NOVA1: variants seen among roughly 807,000 people sequenced by gnomAD.
The protein encoded by NOVA1 is RNA-binding protein Nova-1.
In NOVA1, 7 loss-of-function variants were observed where a neutral mutation model predicts 38.0. The ratio of observed to expected loss-of-function variants is 0.18; its 90% confidence interval spans 0.10 to 0.35. The LOEUF is 0.35. Ranked by LOEUF, NOVA1 falls within the 10% of genes least tolerant of loss-of-function variation. NOVA1 has a pLI of 1.00. For missense variants in NOVA1, 460 were observed against 616.0 expected (o/e 0.75, Z 2.68); for synonymous variants, 270 against 232.5 (o/e 1.16, Z -1.47).
chr14:26,495,101 T>C (rs1433705793), intron 2 of NOVA1, among the ~76,000 whole-genome samples: 1 of 145,056 alleles, frequency 6.9e-6, no homozygotes, highest in Non-Finnish European at 1.5e-5. Context: ...TTATTCTCTC[T>C]TAGGCCTTTT....
chr14:26,509,679 G>A (rs944757952), intron 2 of NOVA1, among the ~76,000 whole-genome samples: 6 of 152,086 alleles, frequency 3.9e-5, no homozygotes, highest in African/African-American at 1.4e-4. Flanking sequence ...TTTTATTCAT[G>A]CATATGGGGT....
intron 2 of NOVA1, among the ~76,000 whole-genome samples, chr14:26,536,966 A>G (rs1890142525): frequency 6.6e-6 from 1 of 152,140 alleles, no homozygotes. Context: ...TAATTTGGCA[A>G]TGAATACTCA....
chr14:26,508,490 C>A (rs1887810673), intron 2 of NOVA1, among the ~76,000 whole-genome samples: 1 of 151,602 alleles, frequency 6.6e-6, no homozygotes, highest in African/African-American at 2.4e-5. Context: ...AGGAATAGAA[C>A]AACCCTATAT....
At chr14:26,453,415 T>C (rs2138575726) in intron 4 of NOVA1, among the ~76,000 whole-genome samples, 1 of 152,114 alleles carries the variant, frequency 6.6e-6, no homozygotes, top group East Asian at 1.9e-4. Flanking sequence ...TACTTAAACC[T>C]TCCTTATTCT....
intron 1 of NOVA1, among the ~76,000 whole-genome samples, chr14:26,596,329 C>G (rs1894188583): frequency 6.6e-6 from 1 of 152,108 alleles, no homozygotes; most frequent in Non-Finnish European, 1.5e-5. Context: ...ATGTTCCTTT[C>G]CCAAAATAAT....
intron 2 of NOVA1, among the ~76,000 whole-genome samples, chr14:26,503,130 C>T (rs1294490289): frequency 2.0e-5 from 3 of 151,624 alleles, no homozygotes; most frequent in African/African-American, 4.8e-5. Context: ...GAGAAAGCGA[C>T]GATGAAACTG....
intron 2 of NOVA1, among the ~76,000 whole-genome samples, chr14:26,516,278 C>T (rs1308249064): frequency 6.6e-6 from 1 of 152,118 alleles, no homozygotes; most frequent in African/African-American, 2.4e-5. Flanking sequence ...TCTATGCATA[C>T]TGTATTGCAA....
intron 4 of NOVA1, among the ~76,000 whole-genome samples, chr14:26,464,345 C>T (rs1293876025): frequency 6.6e-6 from 1 of 152,196 alleles, no homozygotes; most frequent in East Asian, 1.9e-4. Flanking sequence ...TTGCCTGCAG[C>T]ATTCAGTACA....
At chr14:26,510,826 A>G (rs1185233479) in intron 2 of NOVA1, among the ~76,000 whole-genome samples, 1 of 152,152 alleles carries the variant, frequency 6.6e-6, no homozygotes, top group Admixed American at 6.5e-5. Flanking sequence ...TCTATTTTAT[A>G]TTTTCATTAA....
chr14:26,523,976 C>T (rs112796970), intron 2 of NOVA1, among the ~76,000 whole-genome samples: 2,686 of 152,146 alleles, frequency 0.018, 71 homozygotes, highest in African/African-American at 0.062. Flanking sequence ...TGGCCTCGAT[C>T]TCCTGACCTC....
At chr14:26,551,895 T>C (rs1315200438) in intron 2 of NOVA1, among the ~76,000 whole-genome samples, 1 of 152,044 alleles carries the variant, frequency 6.6e-6, no homozygotes, top group Non-Finnish European at 1.5e-5. Flanking sequence ...TTCTCACCTT[T>C]AAAATAATTC....
chr14:26,569,619 A>G (rs901172267), intron 2 of NOVA1, among the ~76,000 whole-genome samples: 1 of 152,206 alleles, frequency 6.6e-6, no homozygotes, highest in Admixed American at 6.5e-5. Flanking sequence ...TGTTTACCAC[A>G]GAAAGCAATT....
rs139727753 is a variant in NOVA1, at chr14:26,564,714, C to T, written c.280+30696G>A. 7.9e-3 allele frequency among the ~76,000 whole-genome samples: 1,201 copies of T among 152,196 alleles called. 13 individuals are homozygous for T. Among genetic ancestry groups the T allele is most frequent in the African/African-American group, 0.027 (1,128 of 41,538 alleles). ...GACAGAAATTCAAACCCAGTTCTGC[C>T]TCACTTCAAAACCTTTGAAATTGGC... On this transcript the variant is annotated intron_variant, in intron 2 of 4. Transcript: ENST00000539517.
At chr14:26,455,675 G>A (rs1458229781) in intron 4 of NOVA1, among the ~76,000 whole-genome samples, 1 of 151,692 alleles carries the variant, frequency 6.6e-6, no homozygotes, top group African/African-American at 2.4e-5. Context: ...ATCCCAGGGA[G>A]GGATATAACT....
At chr14:26,523,723 C>CT (rs1196197590) in intron 2 of NOVA1, among the ~76,000 whole-genome samples, 2 of 133,282 alleles carry the variant, frequency 1.5e-5, no homozygotes, top group South Asian at 2.5e-4. Flanking sequence ...TTTTTTTTTT[C>CT]TTTTTTTTCC....
chr14:26,543,579 T>C (rs995489696), intron 2 of NOVA1, among the ~76,000 whole-genome samples: 1 of 151,992 alleles, frequency 6.6e-6, no homozygotes, highest in African/African-American at 2.4e-5. Flanking sequence ...ACTTGGACAT[T>C]GAAGACTGGG....
chr14:26,456,828 G>C (rs1488137123), intron 4 of NOVA1, among the ~76,000 whole-genome samples: 5 of 151,910 alleles, frequency 3.3e-5, no homozygotes, highest in African/African-American at 1.2e-4. Flanking sequence ...TTTAAGGTAA[G>C]TGTTTATAAG....
At chr14:26,510,949 G>A (rs140164258) in intron 2 of NOVA1, among the ~76,000 whole-genome samples, 1,580 of 152,190 alleles carry the variant, frequency 0.01, 20 homozygotes, top group Middle Eastern at 0.037. Context: ...GTTACTGTTG[G>A]TTTAACAATT....
At chr14:26,484,118 T>G (rs1885675279) in intron 2 of NOVA1, among the ~76,000 whole-genome samples, 1 of 152,032 alleles carries the variant, frequency 6.6e-6, no homozygotes, top group Non-Finnish European at 1.5e-5. Flanking sequence ...ATCTTGATAC[T>G]GTTGATATAG....
Sources: gnomAD v4.1 joint callset for allele counts (sites outside exome capture counted in the v4.1 genomes callset) on GRCh38, gnomAD v4.1.1 for gene constraint, MANE v1.5 for transcripts, NCBI Gene and HGNC (gene_info 2026-07-23, HGNC 2026-07-21) for gene names.